Variants in WAC observed in about 807,000 individuals in gnomAD.
WAC encodes WW domain-containing adapter protein with coiled-coil.
WAC carries 11 observed loss-of-function variants against 79.6 expected under a neutral mutation model. The ratio of observed to expected loss-of-function variants is 0.14; its 90% CI spans 0.09 to 0.23. The LOEUF (loss-of-function observed/expected upper bound fraction) is 0.23, where lower values mean the gene tolerates loss of function less well. Among genes scored for constraint, WAC ranks in the 10% least tolerant of loss-of-function variants. The probability of loss-of-function intolerance (pLI) is 1.00; values close to 1 mark genes in which losing one functional copy is unlikely to be tolerated. For synonymous variants in WAC, 304 were observed against 276.9 expected, an observed-to-expected ratio of 1.10 and a Z score of -0.97; for missense variants, 728 against 773.5, an observed-to-expected ratio of 0.94 and a Z score of 0.70.
intron 2 of WAC, 72 bp downstream of exon 2, chr10:28,534,106 C>CA: frequency 6.8e-7 from 1 of 1,462,410 alleles, no homozygotes; most frequent in Non-Finnish European, 9.2e-7. Context: ...TACTCGAGCG[C>CA]AGGCCTCAGA....
intron 3 of WAC, among the ~76,000 whole-genome samples, chr10:28,550,194 GCCA>G (rs1474566543): frequency 6.6e-6 from 1 of 150,794 alleles, no homozygotes; most frequent in Non-Finnish European, 1.5e-5. Flanking sequence ...TGTTTTATGA[GCCA>G]CCATTACCCA....
At chr10:28,604,259 T>A (rs1177254239) in intron 7 of WAC, among the ~76,000 whole-genome samples, 2 of 151,348 alleles carry the variant, frequency 1.3e-5, no homozygotes, top group African/African-American at 4.9e-5. Flanking sequence ...TTTTATTGTT[T>A]AGCATTATCA....
chr10:28,537,450 C>T (rs1270714411), intron 3 of WAC: 2 of 152,176 alleles, frequency 1.3e-5, no homozygotes, highest in African/African-American at 4.8e-5. Context: ...GATATGGCAC[C>T]TCATCTTCTT....
intron 3 of WAC, among the ~76,000 whole-genome samples, chr10:28,570,229 T>G (rs1838871382): frequency 6.6e-6 from 1 of 152,210 alleles, no homozygotes; most frequent in Admixed American, 6.5e-5. Context: ...GTACAGATAA[T>G]AGAGTGGAGG....
intron 3 of WAC, among the ~76,000 whole-genome samples, chr10:28,581,717 C>T (rs750859383): frequency 1.3e-5 from 2 of 151,912 alleles, no homozygotes; most frequent in East Asian, 2.0e-4. Flanking sequence ...CACACCACCA[C>T]GTCCAGCTAA....
intron 3 of WAC, among the ~76,000 whole-genome samples, chr10:28,550,771 A>G (rs150088041): frequency 6.6e-6 from 1 of 152,214 alleles, no homozygotes; most frequent in African/African-American, 2.4e-5. Flanking sequence ...CAAATAGTCT[A>G]TTCAGGCTTT....
At chr10:28,560,632 A>G (rs1482034868) in intron 3 of WAC, among the ~76,000 whole-genome samples, 1 of 152,238 alleles carries the variant, frequency 6.6e-6, no homozygotes, top group Non-Finnish European at 1.5e-5. Flanking sequence ...CCGTGAAACT[A>G]GTATATTCCA....
intron 3 of WAC, among the ~76,000 whole-genome samples, chr10:28,553,240 CTGTA>C: frequency 7.9e-6 from 1 of 126,176 alleles, no homozygotes; most frequent in Middle Eastern, 3.9e-3. Flanking sequence ...GCTGTATGTA[CTGTA>C]TGTACTATTT....
chr10:28,597,543 T>C (rs1360243744), intron 7 of WAC, among the ~76,000 whole-genome samples: 1 of 152,196 alleles, frequency 6.6e-6, no homozygotes, highest in African/African-American at 2.4e-5. Context: ...TGCTTACATA[T>C]CAGCATCTCA....
At chr10:28,607,084 C>A (rs1164580334) in intron 7 of WAC, among the ~76,000 whole-genome samples, 1 of 152,080 alleles carries the variant, frequency 6.6e-6, no homozygotes, top group African/African-American at 2.4e-5. Context: ...ATAATGTCTT[C>A]TGTACATTTT....
chr10:28,540,423 C>G (rs1437477598), intron 3 of WAC, among the ~76,000 whole-genome samples: 1 of 152,290 alleles, frequency 6.6e-6, no homozygotes, highest in Middle Eastern at 3.4e-3. Context: ...AATATCTTCA[C>G]CCTTCTTCCC....
chr10:28,541,164 T>A (rs1836996269), intron 3 of WAC, among the ~76,000 whole-genome samples: 1 of 152,128 alleles, frequency 6.6e-6, no homozygotes, highest in South Asian at 2.1e-4. Context: ...ATTTTTGGTG[T>A]AACATACTTG....
intron 7 of WAC, among the ~76,000 whole-genome samples, chr10:28,598,491 A>G (rs1199160384): frequency 3.3e-5 from 5 of 152,162 alleles, no homozygotes; most frequent in Non-Finnish European, 5.9e-5. Context: ...AGGGCTCAAC[A>G]TTATGTTTTA....
chr10:28,603,425 C>T (rs773825734), intron 7 of WAC, among the ~76,000 whole-genome samples: 11 of 152,032 alleles, frequency 7.2e-5, no homozygotes, highest in Non-Finnish European at 1.3e-4. Flanking sequence ...ATTCTTCAAG[C>T]GCAGAAGAAA....
chr10:28,578,713 C>T (rs1839375176), intron 3 of WAC, among the ~76,000 whole-genome samples: 1 of 152,082 alleles, frequency 6.6e-6, no homozygotes, highest in Admixed American at 6.6e-5. Flanking sequence ...TTCCTAGGCC[C>T]TCACTCTTTG....
intron 7 of WAC, among the ~76,000 whole-genome samples, chr10:28,596,950 A>G (rs1048185522): frequency 1.3e-5 from 2 of 152,136 alleles, no homozygotes; most frequent in African/African-American, 4.8e-5. Context: ...AAAGAATCCT[A>G]AAAAAGAACT....
chr10:28,546,670 TTAAA>T lies in WAC; in HGVS notation c.274+10919_274+10922del, dbSNP rs150836424. On this transcript the variant is annotated intron_variant, in intron 3 of 13. Transcript: ENST00000354911. ...TGAGAGTTCCTTTTTTATATAGCTG[TTAAA>T]TAAATGCCAGTGTTAATTATTTTGG... is the stretch of plus-strand genomic sequence containing the variant. Among the ~76,000 whole-genome samples the T allele has an allele frequency of 5.8e-3, 890 of 152,310 alleles. 6 individuals are homozygous for T. The highest frequency in any genetic ancestry group is 0.02 in the African/African-American group (832 of 41,568).
intron 3 of WAC, among the ~76,000 whole-genome samples, chr10:28,573,732 C>G (rs1442648648): frequency 1.3e-5 from 2 of 151,970 alleles, no homozygotes; most frequent in African/African-American, 4.8e-5. Flanking sequence ...ATTCACATAC[C>G]ATACCATTCA....
At chr10:28,587,486 A>G (rs1395163408) in intron 4 of WAC, among the ~76,000 whole-genome samples, 1 of 152,232 alleles carries the variant, frequency 6.6e-6, no homozygotes, top group Non-Finnish European at 1.5e-5. Context: ...GGGTTCCCCA[A>G]GGTTTCCTGG....
Sources: gnomAD v4.1 joint callset for allele counts (sites outside exome capture counted in the v4.1 genomes callset) on GRCh38, gnomAD v4.1.1 for gene constraint, MANE v1.5 for transcripts, NCBI Gene and HGNC (gene_info 2026-07-23, HGNC 2026-07-21) for gene names.